The following HELLS variants were observed in gnomAD, a reference collection of about 807,000 sequenced individuals.
The protein encoded by HELLS is helicase, lymphoid specific, also known as lymphoid-specific helicase.
In HELLS, 32 loss-of-function variants were observed where a neutral mutation model predicts 120.0. The ratio of observed to expected loss-of-function variants is 0.27; its 90% confidence interval spans 0.20 to 0.36. The LOEUF is 0.36. HELLS is among the 10% of genes least tolerant of loss of function. The pLI, the probability that HELLS is intolerant of heterozygous loss-of-function variation, is 1.00. For synonymous variants in HELLS, 341 were observed against 323.4 expected (o/e 1.05, Z -0.58); for missense variants, 650 against 993.4 (o/e 0.65, Z 4.65).
At chr10:94,606,510 T>TA (rs1382365368), downstream of HELLS, among the ~76,000 whole-genome samples, 12 of 148,584 alleles carry the variant, frequency 8.1e-5, no homozygotes, top group African/African-American at 1.5e-4. Context: ...CCCAGATAAT[T>TA]TAAAAAAAAA....
rs7908798 is a variant in HELLS, at chr10:94,575,771, T to G, written c.889-891T>G. On this transcript the variant is annotated intron_variant, in intron 9 of 21. Transcript: ENST00000348459. Reference sequence around the variant, plus strand: ...TTTTTTGTTGGGGGGGGGGTTGTGTTTGTGTGTGTGTGTGTGTGTGTGTGT... The same window carrying G: ...TTTTTTGTTGGGGGGGGGGTTGTGTGTGTGTGTGTGTGTGTGTGTGTGTGT... Among the ~76,000 whole-genome samples, 529 of 122,814 alleles carry G rather than the reference T, an allele frequency of 4.3e-3. 4 individuals carry two copies. The highest frequency in any genetic ancestry group is 4.7e-3 in the Non-Finnish European group (280 of 60,062). 80.6% of individuals were successfully genotyped at this position (122,814 alleles called of 152,430 possible). A position where few individuals can be genotyped will look rare whatever the true frequency, so the allele number is the denominator to read the frequency against.
Position 94,590,452 on chromosome 10 carries a change from C to T in HELLS, c.1528C>T (p.Arg510Ter). The change falls in exon 14 of 22, where the codon CGA (arginine) becomes TGA (stop). Residue 510 changes from arginine to a stop codon, truncating the protein, a stop_gained. Coordinates refer to ENST00000348459, the MANE Select transcript of HELLS (RefSeq NM_018063.5). LOFTEE classifies it high-confidence loss of function. ...IELSPTGRPK[R>*]RTRKSINYSK... ...GTTAAGTCCTACTGGTCGACCAAAA[C>T]GACGAACTAGAAAATCAATAAATTA... 1 of 1,609,754 alleles carries T rather than the reference C, an allele frequency of 6.2e-7. No homozygotes were observed. Among genetic ancestry groups the T allele is most frequent in the Non-Finnish European group, 8.5e-7 (1 of 1,179,120 alleles).
chr10:94,566,002 C>T (rs1301420446), intron 6 of HELLS, among the ~76,000 whole-genome samples: 3 of 152,150 alleles, frequency 2.0e-5, no homozygotes, highest in Middle Eastern at 3.4e-3. Flanking sequence ...AAGTGATCCT[C>T]GTATCTCACA....
At chr10:94,559,724 G>A (rs925340311) in intron 4 of HELLS, among the ~76,000 whole-genome samples, 4 of 151,876 alleles carry the variant, frequency 2.6e-5, no homozygotes, top group Non-Finnish European at 5.9e-5. Flanking sequence ...GATTACAGGC[G>A]AGAGCCACTG....
intron 12 of HELLS, among the ~76,000 whole-genome samples, chr10:94,585,742 A>AGTAGT (rs140448887): frequency 0.026 from 3,809 of 147,688 alleles, 143 homozygotes; most frequent in African/African-American, 0.079. Flanking sequence ...CAGGCAGGAG[A>AGTAGT]GTAGTGGTGC....
At chr10:94,585,385 G>GTTTTTTTTTT (rs10540229) in intron 12 of HELLS, among the ~76,000 whole-genome samples, 5 of 122,010 alleles carry the variant, frequency 4.1e-5, no homozygotes, top group African/African-American at 9.1e-5. Context: ...GTTTGTTTTT[G>GTTTTTTTTTT]TTTTTTTTTT....
intron 2 of HELLS, among the ~76,000 whole-genome samples, chr10:94,548,647 T>C (rs1448407698): frequency 6.6e-6 from 1 of 152,218 alleles, no homozygotes; most frequent in African/African-American, 2.4e-5. Context: ...TTAATAATTA[T>C]GCATCATAGA....
At chr10:94,547,677 CTAT>C (rs1456057841) in intron 2 of HELLS, among the ~76,000 whole-genome samples, 3 of 152,094 alleles carry the variant, frequency 2.0e-5, no homozygotes, top group Non-Finnish European at 4.4e-5. Flanking sequence ...TAAACAATTG[CTAT>C]TATTGAACTA....
At chr10:94,605,270 A>G (rs1846116767), downstream of HELLS, among the ~76,000 whole-genome samples, 1 of 151,956 alleles carries the variant, frequency 6.6e-6, no homozygotes, top group East Asian at 1.9e-4. Flanking sequence ...TTTAGTAGGG[A>G]CAGGGTTTCA....
chr10:94,596,808 T>G, intron 19 of HELLS, 52 bp from the exon 20 acceptor site: 1 of 912,186 alleles, frequency 1.1e-6, no homozygotes, highest in Non-Finnish European at 1.8e-6. Flanking sequence ...TAATATGTTG[T>G]ATTGTAGTTT....
chr10:94,565,953 C>T (rs1843775567), intron 6 of HELLS, among the ~76,000 whole-genome samples: 1 of 151,824 alleles, frequency 6.6e-6, no homozygotes, highest in South Asian at 2.1e-4. Flanking sequence ...ATGCAGCTGG[C>T]ACAATCTCAG....
In HELLS at chr10:94,567,509, G is replaced by T. The variant is rs961257089; in HGVS notation, c.436-3879G>T. Among the ~76,000 whole-genome samples, 31 of 152,076 alleles carry T rather than the reference G, an allele frequency of 2.0e-4. 1 individual carries two copies. Among genetic ancestry groups the T allele is most frequent in the African/African-American group, 6.8e-4 (28 of 41,414 alleles). On this transcript the variant is annotated intron_variant, in intron 6 of 21. Coordinates refer to ENST00000348459, the MANE Select transcript of HELLS (RefSeq NM_018063.5). ...GACGGGGTTTCTCCATGTTGGTCAG[G>T]CTGGTCTCGAACTCCCGATCTCAGG...
At chr10:94,598,134 T>G (rs1845833343) in intron 21 of HELLS, among the ~76,000 whole-genome samples, 1 of 152,210 alleles carries the variant, frequency 6.6e-6, no homozygotes, top group African/African-American at 2.4e-5. Flanking sequence ...TTACAACATA[T>G]TACTGTCGTC....
chr10:94,589,087 G>A (rs1845325690), intron 13 of HELLS, among the ~76,000 whole-genome samples: 1 of 152,192 alleles, frequency 6.6e-6, no homozygotes, highest in Non-Finnish European at 1.5e-5. Flanking sequence ...GACGGAGGTT[G>A]TGGTGAGCCA....
chr10:94,547,419 T>G (rs11188013), intron 2 of HELLS, among the ~76,000 whole-genome samples: 3,490 of 152,302 alleles, frequency 0.023, 60 homozygotes, highest in Non-Finnish European at 0.037. Context: ...AATTAACTCA[T>G]GATTATAAAA....
downstream of HELLS, among the ~76,000 whole-genome samples, chr10:94,605,643 C>CT (rs1206815493): frequency 0.042 from 5,217 of 125,008 alleles, 282 homozygotes; most frequent in African/African-American, 0.11. Context: ...TTAATGGTTC[C>CT]TTTTTTTTTT....
intron 6 of HELLS, among the ~76,000 whole-genome samples, chr10:94,568,717 C>G (rs1305788010): frequency 6.6e-6 from 1 of 152,144 alleles, no homozygotes; most frequent in African/African-American, 2.4e-5. Flanking sequence ...AAGGAAATCA[C>G]CTGAAAAGCT....
At position 94,574,790 on chromosome 10, in the gene HELLS, T is replaced by C. The variant is rs1844349837; in HGVS notation, c.888+54T>C. The C allele has an allele frequency of 4.4e-6, 6 of 1,377,020 alleles. No homozygotes were observed. The South Asian group carries it at 6.4e-5, about 15-fold the overall frequency. 85.3% of individuals were successfully genotyped at this position (1,377,020 alleles called of 1,614,324 possible). A position where few individuals can be genotyped will look rare whatever the true frequency, so the allele number is the denominator to read the frequency against. ...ATAATTTTACATGTTTTCTTATGCTTTGTTGTAGTAGGAATTAAATTGTAG... is the reference window on the plus strand; with the variant it reads ...ATAATTTTACATGTTTTCTTATGCTCTGTTGTAGTAGGAATTAAATTGTAG... On this transcript the variant is annotated intron_variant, in intron 9 of 21. Transcript: ENST00000348459.
rs114589078 is a variant in HELLS, at chr10:94,587,427, T to G, written c.1327-802T>G. Among the ~76,000 whole-genome samples the G allele has an allele frequency of 8.9e-3, 1,339 of 150,866 alleles. 18 individuals are homozygous for G. The highest frequency in any genetic ancestry group is 0.03 in the African/African-American group (1,250 of 41,220). Reference sequence around the variant, plus strand: ...TTACAAATGATCCAGTTATACACTTTTGTGTGTGTGTGTGTGTGGAGACAG... The same window carrying G: ...TTACAAATGATCCAGTTATACACTTGTGTGTGTGTGTGTGTGTGGAGACAG... On this transcript the variant is annotated intron_variant, in intron 12 of 21. Coordinates refer to ENST00000348459, the MANE Select transcript of HELLS (RefSeq NM_018063.5).
Sources: gnomAD v4.1 joint callset for allele counts (sites outside exome capture counted in the v4.1 genomes callset) on GRCh38, gnomAD v4.1.1 for gene constraint, MANE v1.5 for transcripts, NCBI Gene and HGNC (gene_info 2026-07-23, HGNC 2026-07-21) for gene names.